OSBPL10: variants seen among roughly 807,000 people sequenced by gnomAD.
OSBPL10 encodes oxysterol binding protein like 10.
Under a neutral mutation model 81.7 loss-of-function variants are expected in OSBPL10, and 49 were observed. The ratio of observed to expected loss-of-function variants is 0.60; its 90% CI spans 0.48 to 0.76. The LOEUF is 0.76. Among genes scored for constraint, OSBPL10 ranks in the 30% least tolerant of loss-of-function variants. The pLI is 0.00. For missense variants in OSBPL10, 923 were observed against 987.8 expected (o/e 0.93, Z 0.88); for synonymous variants, 419 against 383.6 (o/e 1.09, Z -1.08).
chr3:31,738,201 G>A (rs1015892381), intron 5 of OSBPL10, among the ~76,000 whole-genome samples: 1 of 152,040 alleles, frequency 6.6e-6, no homozygotes, highest in Non-Finnish European at 1.5e-5. Flanking sequence ...GGAAAAAAAT[G>A]CACATCTAGA....
intron 6 of OSBPL10, chr3:31,721,416 G>A (rs990407710): frequency 3.9e-5 from 6 of 152,170 alleles, no homozygotes; most frequent in Admixed American, 3.9e-4. Context: ...ACAAACCTGG[G>A]ATGTGCTGTG....
intron 3 of OSBPL10, among the ~76,000 whole-genome samples, chr3:31,848,129 T>A (rs1416780391): frequency 6.6e-6 from 1 of 152,102 alleles, no homozygotes; most frequent in African/African-American, 2.4e-5. Context: ...AGGCTTGACT[T>A]CAGGGGACAC....
intron 6 of OSBPL10, among the ~76,000 whole-genome samples, chr3:31,725,106 T>C (rs556839887): frequency 3.5e-4 from 54 of 152,312 alleles, no homozygotes; most frequent in Non-Finnish European, 6.6e-4. Context: ...TTATGAAACA[T>C]GTACAGAGCT....
At chr3:31,977,672 C>T (rs1698727236) in intron 1 of OSBPL10, among the ~76,000 whole-genome samples, 1 of 152,190 alleles carries the variant, frequency 6.6e-6, no homozygotes. Flanking sequence ...TGCTTTATCT[C>T]ATCACCTTTT....
intron 2 of OSBPL10, among the ~76,000 whole-genome samples, chr3:32,041,553 C>T (rs898401896): frequency 3.3e-5 from 5 of 152,176 alleles, no homozygotes; most frequent in African/African-American, 1.2e-4. Flanking sequence ...GTCCATAGTC[C>T]GTATCACTTC....
At chr3:31,747,531 C>T (rs905943500) in intron 5 of OSBPL10, among the ~76,000 whole-genome samples, 7 of 139,794 alleles carry the variant, frequency 5.0e-5, no homozygotes, top group African/African-American at 1.8e-4. Flanking sequence ...TGAGTGCAAA[C>T]GTCATGAGTG....
In OSBPL10 at chr3:31,989,993, A is replaced by G. The variant is rs1390975137; in HGVS notation, n.298+56498T>C. The stretch of plus-strand genomic sequence containing the variant: ...CAACAATCAAACCTTGCAAGTCATC[A>G]TAGACTTCATACTGGAGAGAAACCT... On this transcript the variant is annotated intron_variant and non_coding_transcript_variant, in intron 2 of 3. Coordinates refer to the OSBPL10 transcript ENST00000479173. 6 of 1,614,070 alleles carry G rather than the reference A, an allele frequency of 3.7e-6. No homozygotes were observed. In the East Asian group the frequency reaches 1.3e-4, roughly 36 times the overall value.
chr3:31,984,348 G>GTT (rs144693842), upstream of OSBPL10, among the ~76,000 whole-genome samples: 825 of 145,540 alleles, frequency 5.7e-3, 6 homozygotes, highest in Non-Finnish European at 6.4e-3. Flanking sequence ...CCCACCTAAG[G>GTT]TTTTTTTTTT....
In OSBPL10 at chr3:32,050,989, G is replaced by T. The variant is rs561311299; in HGVS notation, n.186-4386C>A. Among the ~76,000 whole-genome samples the T allele has an allele frequency of 1.5e-4, 23 of 152,176 alleles. No individual in the cohort carries two copies. The South Asian group carries it at 3.7e-3, about 25-fold the overall frequency. On this transcript the variant is annotated intron_variant and non_coding_transcript_variant, in intron 1 of 3. Transcript: ENST00000479173. The stretch of plus-strand genomic sequence containing the variant: ...AAGGATTTTTTTTAAAAGCTCACTG[G>T]CTAAAAGTCAGCTTAATTAAAAGTG...
intron 3 of OSBPL10, among the ~76,000 whole-genome samples, chr3:31,859,158 A>G (rs1223502511): frequency 2.0e-5 from 3 of 152,008 alleles, no homozygotes; most frequent in African/African-American, 7.3e-5. Context: ...ACAGCCAGAA[A>G]CCAGGTTTTT....
chr3:32,076,083 G>A (rs1325444251), intron 1 of OSBPL10, among the ~76,000 whole-genome samples: 1 of 152,070 alleles, frequency 6.6e-6, no homozygotes, highest in Non-Finnish European at 1.5e-5. Context: ...AAGAACTAAT[G>A]ATATGGCCAG....
intron 2 of OSBPL10, chr3:31,989,182 T>C (rs756875058): frequency 1.9e-6 from 3 of 1,614,056 alleles, no homozygotes; most frequent in Non-Finnish European, 2.5e-6. Context: ...AGAATTCTCT[T>C]TGGAGGAGTG....
intron 2 of OSBPL10, among the ~76,000 whole-genome samples, chr3:32,008,642 G>T (rs1230825926): frequency 6.6e-6 from 1 of 151,460 alleles, no homozygotes; most frequent in Non-Finnish European, 1.5e-5. Context: ...CCTGGCTACT[G>T]GGGAGGCTGA....
At chr3:31,989,994 T>C (rs758751115) in intron 2 of OSBPL10, 50 of 1,614,052 alleles carry the variant, frequency 3.1e-5, no homozygotes, top group Non-Finnish European at 3.8e-5. Context: ...CAAGTCATCA[T>C]AGACTTCATA....
At chr3:31,701,269 C>G (rs1348059493) in intron 7 of OSBPL10, among the ~76,000 whole-genome samples, 13 of 152,216 alleles carry the variant, frequency 8.5e-5, no homozygotes, top group Admixed American at 8.5e-4. Context: ...ACCAAGCCAA[C>G]TGCCCTTAGG....
rs539066050 is a variant in OSBPL10, at chr3:31,691,137, C to T, written c.1246-7023G>A. Among the ~76,000 whole-genome samples the T allele has an allele frequency of 2.1e-3, 320 of 152,190 alleles. 1 individual carries two copies. The highest frequency in any genetic ancestry group is 7.5e-3 in the African/African-American group (310 of 41,512). On this transcript the variant is annotated intron_variant, in intron 7 of 11. Transcript: ENST00000396556. ...GAGCCATCAATAAAGACTGCCTTTTCTTCCGTTAACATAATTAAGACAGTG... is the reference window on the plus strand; with the variant it reads ...GAGCCATCAATAAAGACTGCCTTTTTTTCCGTTAACATAATTAAGACAGTG...
intron 1 of OSBPL10, among the ~76,000 whole-genome samples, chr3:31,979,598 G>T (rs1698773031): frequency 6.6e-6 from 1 of 152,004 alleles, no homozygotes; most frequent in African/African-American, 2.4e-5. Flanking sequence ...TTAAGATCTG[G>T]AGACTGTTAA....
At chr3:32,001,202 C>T (rs996550943) in intron 2 of OSBPL10, among the ~76,000 whole-genome samples, 8 of 152,084 alleles carry the variant, frequency 5.3e-5, no homozygotes, top group East Asian at 3.9e-4. Context: ...AACCAAGCAG[C>T]GATGCCTAAG....
rs750666814 is a variant in OSBPL10, at chr3:31,879,652, C to T, written c.457+3G>A. On this transcript the variant is annotated splice_donor_region_variant and intron_variant, in intron 2 of 11. Transcript: ENST00000396556. ...CTGAAAAGTTACTGGGAGAAGAACG[C>T]ACCTCTCAGTTTAAACATCTCTCCA... 13 of 1,607,986 alleles carry T rather than the reference C, an allele frequency of 8.1e-6. No homozygotes were observed. The South Asian group carries it at 1.4e-4, about 18-fold the overall frequency.
Sources: gnomAD v4.1 joint callset for allele counts (sites outside exome capture counted in the v4.1 genomes callset) on GRCh38, gnomAD v4.1.1 for gene constraint, MANE v1.5 for transcripts, NCBI Gene and HGNC (gene_info 2026-07-23, HGNC 2026-07-21) for gene names.